CEP128: variants seen among roughly 807,000 people sequenced by gnomAD.
The protein encoded by CEP128 is centrosomal protein 128kDa.
A neutral mutation model predicts 156.7 loss-of-function variants in CEP128; 132 were observed. The ratio of observed to expected loss-of-function variants is 0.84; its 90% CI spans 0.73 to 0.97. CEP128 has a LOEUF of 0.97. Among genes scored for constraint, CEP128 ranks in the 50% least tolerant of loss-of-function variants. The probability of loss-of-function intolerance (pLI) is 0.00; values close to 1 mark genes in which losing one functional copy is unlikely to be tolerated. For synonymous variants in CEP128, 469 were observed against 448.9 expected (o/e 1.04, Z -0.57); for missense variants, 1,252 against 1,281.9 (o/e 0.98, Z 0.36).
At chr14:80,826,704 T>G (rs1289294724) in intron 13 of CEP128, among the ~76,000 whole-genome samples, 1 of 152,202 alleles carries the variant, frequency 6.6e-6, no homozygotes, top group East Asian at 1.9e-4. Flanking sequence ...AATTATCATG[T>G]CAGTTGTCAC....
At chr14:80,644,758 G>T (rs1470979692) in intron 19 of CEP128, among the ~76,000 whole-genome samples, 2 of 152,048 alleles carry the variant, frequency 1.3e-5, no homozygotes, top group African/African-American at 2.4e-5. Flanking sequence ...GAAAGTAAAA[G>T]AATTTGAGTC....
chr14:80,557,824 T>C (rs913405273), intron 21 of CEP128, among the ~76,000 whole-genome samples: 12 of 152,250 alleles, frequency 7.9e-5, no homozygotes, highest in Middle Eastern at 6.8e-3. Flanking sequence ...AAGATTTTTT[T>C]CCTGCTTGTT....
intron 18 of CEP128, among the ~76,000 whole-genome samples, chr14:80,753,083 T>G (rs1052645837): frequency 2.6e-5 from 4 of 152,216 alleles, no homozygotes; most frequent in Admixed American, 2.0e-4. Flanking sequence ...AAATCTCATC[T>G]GCTTGTTGCT....
intron 19 of CEP128, among the ~76,000 whole-genome samples, chr14:80,694,444 T>C (rs186359337): frequency 0.013 from 2,033 of 152,208 alleles, 135 homozygotes; most frequent in Admixed American, 0.1. Flanking sequence ...TAAAGACACA[T>C]GAACATATAT....
At chr14:80,660,488 G>A (rs531246895) in intron 19 of CEP128, among the ~76,000 whole-genome samples, 1 of 152,250 alleles carries the variant, frequency 6.6e-6, no homozygotes, top group African/African-American at 2.4e-5. Flanking sequence ...CAACTGCAGT[G>A]ATAAATCTGG....
chr14:80,789,784 G>A (rs1431931248), intron 14 of CEP128, among the ~76,000 whole-genome samples: 1 of 151,372 alleles, frequency 6.6e-6, no homozygotes, highest in South Asian at 2.1e-4. Flanking sequence ...CCTCAAAGAC[G>A]TGAATACAAA....
intron 23 of CEP128, among the ~76,000 whole-genome samples, chr14:80,518,290 G>A (rs558969964): frequency 2.2e-4 from 34 of 151,682 alleles, no homozygotes; most frequent in Admixed American, 8.5e-4. Context: ...TGCAAGCCCC[G>A]TATTTAAAGG....
chr14:80,676,827 C>A (rs7149362), intron 19 of CEP128, among the ~76,000 whole-genome samples: 5,728 of 152,200 alleles, frequency 0.038, 361 homozygotes, highest in East Asian at 0.23. Context: ...TGGTAAATAA[C>A]ATCAGTTTTC....
intron 2 of CEP128, among the ~76,000 whole-genome samples, chr14:80,929,948 GT>G (rs1207063496): frequency 2.6e-5 from 4 of 152,182 alleles, no homozygotes; most frequent in Non-Finnish European, 4.4e-5. Context: ...CAGCGGGTGG[GT>G]GAGCAAAGTT....
intron 19 of CEP128, among the ~76,000 whole-genome samples, chr14:80,692,632 C>A (rs1018154205): frequency 6.6e-6 from 1 of 152,138 alleles, no homozygotes; most frequent in Non-Finnish European, 1.5e-5. Flanking sequence ...AGATTGCAAT[C>A]TCAGCCAACA....
At chr14:80,656,963 A>C (rs1895198021) in intron 19 of CEP128, among the ~76,000 whole-genome samples, 1 of 152,212 alleles carries the variant, frequency 6.6e-6, no homozygotes, top group Non-Finnish European at 1.5e-5. Flanking sequence ...GCACTTTAAA[A>C]AATGGTGGCA....
chr14:80,916,820 T>A (rs1488606999), intron 2 of CEP128, among the ~76,000 whole-genome samples: 1 of 152,182 alleles, frequency 6.6e-6, no homozygotes, highest in Non-Finnish European at 1.5e-5. Flanking sequence ...GTGATAATAA[T>A]CCCTTAGATT....
intron 19 of CEP128, among the ~76,000 whole-genome samples, chr14:80,589,087 T>C (rs1891939390): frequency 6.6e-6 from 1 of 152,066 alleles, no homozygotes; most frequent in Admixed American, 6.5e-5. Flanking sequence ...AAGACTCAAG[T>C]GGTCCTTACT....
intron 19 of CEP128, among the ~76,000 whole-genome samples, chr14:80,732,861 A>T (rs1346989102): frequency 6.6e-6 from 1 of 152,114 alleles, no homozygotes; most frequent in Non-Finnish European, 1.5e-5. Flanking sequence ...AGATCATGCA[A>T]GTAAGATGCT....
exon 15 of CEP128, chr14:80,478,404 C>G (rs932147721): frequency 1.3e-5 from 2 of 152,142 alleles, no homozygotes; most frequent in Non-Finnish European, 1.5e-5. Flanking sequence ...ATTTAAAACA[C>G]CCTCTATGAG....
At chr14:80,507,975 C>T (rs551354403) in intron 23 of CEP128, among the ~76,000 whole-genome samples, 1 of 152,276 alleles carries the variant, frequency 6.6e-6, no homozygotes, top group African/African-American at 2.4e-5. Flanking sequence ...AGTGCAGTGG[C>T]ACGATCTTGG....
chr14:80,722,857 T>A (rs930147252), intron 19 of CEP128, among the ~76,000 whole-genome samples: 3 of 144,692 alleles, frequency 2.1e-5, no homozygotes, highest in Non-Finnish European at 3.0e-5. Flanking sequence ...ACGGGAGTCT[T>A]GCTCTGTCGC....
chr14:80,720,129 C>CA (rs147661679), intron 19 of CEP128, among the ~76,000 whole-genome samples: 2,361 of 150,604 alleles, frequency 0.016, 70 homozygotes, highest in African/African-American at 0.055. Flanking sequence ...GAGATGGGGG[C>CA]AAAAAAACTA....
chr14:80,585,390 ATTGT>A (rs758981222), intron 19 of CEP128, among the ~76,000 whole-genome samples: 49 of 152,276 alleles, frequency 3.2e-4, no homozygotes, highest in Non-Finnish European at 5.3e-4. Flanking sequence ...AAGCAGATAG[ATTGT>A]TTGTTTATTT....
Sources: gnomAD v4.1 joint callset for allele counts (sites outside exome capture counted in the v4.1 genomes callset) on GRCh38, gnomAD v4.1.1 for gene constraint, MANE v1.5 for transcripts, NCBI Gene and HGNC (gene_info 2026-07-23, HGNC 2026-07-21) for gene names.